The following ABHD17B variants were observed in gnomAD, a reference collection of about 807,000 sequenced individuals.
ABHD17B encodes abhydrolase domain containing 17B, depalmitoylase, also known as alpha/beta hydrolase domain-containing protein 17B.
A neutral mutation model predicts 26.2 loss-of-function variants in ABHD17B; 9 were observed. That is an observed-to-expected ratio of 0.34 (90% confidence interval 0.21 to 0.60). The LOEUF is 0.60. Ranked by LOEUF, ABHD17B falls within the 20% of genes least tolerant of loss-of-function variation. ABHD17B has a pLI of 0.80. For missense variants in ABHD17B, 224 were observed against 352.1 expected (o/e 0.64, Z 2.91); for synonymous variants, 127 against 122.3 (o/e 1.04, Z -0.25).
chr9:71,909,791 T>C (rs1298473990), intron 1 of ABHD17B, among the ~76,000 whole-genome samples: 1 of 152,148 alleles, frequency 6.6e-6, no homozygotes, highest in Non-Finnish European at 1.5e-5. Context: ...CAAATCTACT[T>C]CACACTGACT....
chr9:71,873,505 C>A (rs1439946468), intron 2 of ABHD17B, among the ~76,000 whole-genome samples: 1 of 152,102 alleles, frequency 6.6e-6, no homozygotes, highest in Non-Finnish European at 1.5e-5. Flanking sequence ...TCAAGTGATT[C>A]TCCTGCCTCA....
chr9:71,895,451 C>G (rs1826926457), intron 1 of ABHD17B, among the ~76,000 whole-genome samples: 1 of 152,218 alleles, frequency 6.6e-6, no homozygotes, highest in African/African-American at 2.4e-5. Flanking sequence ...AATTGTGTTT[C>G]AGGCTGAATT....
downstream of ABHD17B, among the ~76,000 whole-genome samples, chr9:71,863,122 ATT>A (rs1825870578): frequency 6.6e-6 from 1 of 152,198 alleles, no homozygotes; most frequent in Non-Finnish European, 1.5e-5. Context: ...CTTCTTCATC[ATT>A]CTTTTTTGTA....
intron 1 of ABHD17B, among the ~76,000 whole-genome samples, chr9:71,893,923 A>T (rs1826871983): frequency 6.6e-6 from 1 of 151,952 alleles, no homozygotes; most frequent in Admixed American, 6.6e-5. Context: ...CCCTGTCTCT[A>T]ATAAAAATAC....
At chr9:71,868,556 A>G (rs1291725150) in intron 3 of ABHD17B, among the ~76,000 whole-genome samples, 12 of 152,248 alleles carry the variant, frequency 7.9e-5, no homozygotes, top group Admixed American at 7.2e-4. Context: ...AAAACCATCA[A>G]TGAAATAATC....
rs895338445 is a variant in ABHD17B at position 71,908,291 on chromosome 9, C to G, written c.-4+2343G>C. On this transcript the variant is annotated intron_variant, in intron 1 of 3. Coordinates refer to ENST00000333421, the MANE Select transcript of ABHD17B (RefSeq NM_001025780.3). ...CCCGTAATCCCAGCTACTCAGGAGG[C>G]TGAGGCAGAAGAATCACTTGAACCC... 6.0e-5 allele frequency among the ~76,000 whole-genome samples: 9 copies of G among 150,334 alleles called. No homozygotes were observed. The Admixed American group carries it at 6.0e-4, about 10-fold the overall frequency.
At chr9:71,881,965 C>T (rs1303505856) in intron 1 of ABHD17B, among the ~76,000 whole-genome samples, 1 of 150,082 alleles carries the variant, frequency 6.7e-6, no homozygotes, top group East Asian at 1.9e-4. Flanking sequence ...GATTTATAGA[C>T]ATTTCTCCAA....
intron 1 of ABHD17B, among the ~76,000 whole-genome samples, chr9:71,898,798 G>A (rs1827043637): frequency 6.6e-6 from 1 of 152,168 alleles, no homozygotes; most frequent in South Asian, 2.1e-4. Flanking sequence ...AGGCATTTGA[G>A]ACCAGCCTGG....
chr9:71,867,028 GA>G (rs1554697325), intron 3 of ABHD17B, 22 bp from the exon 4 acceptor site: 11 of 1,610,486 alleles, frequency 6.8e-6, no homozygotes, highest in Non-Finnish European at 8.5e-6. Flanking sequence ...AAGGAAGGGG[GA>G]AAAATGCAAT....
At chr9:71,875,188 C>A in intron 1 of ABHD17B, 105 bp from the exon 2 acceptor site, 1 of 852,668 alleles carries the variant, frequency 1.2e-6, no homozygotes, top group Non-Finnish European at 1.8e-6. Context: ...TGGTTAATGA[C>A]TATTACTATT....
chr9:71,906,634 A>G (rs1827292967), intron 1 of ABHD17B, among the ~76,000 whole-genome samples: 1 of 152,092 alleles, frequency 6.6e-6, no homozygotes, highest in African/African-American at 2.4e-5. Context: ...CCTGGGCAAG[A>G]TAGCAAGACC....
At chr9:71,898,303 G>A (rs111373158) in intron 1 of ABHD17B, among the ~76,000 whole-genome samples, 1 of 152,016 alleles carries the variant, frequency 6.6e-6, no homozygotes, top group East Asian at 1.9e-4. Flanking sequence ...AAGTGAGAAA[G>A]AAGAAAAGCA....
rs1274489181 is a variant in ABHD17B, at chr9:71,874,982, T to C, written c.99A>G (p.Pro33=). The C allele has an allele frequency of 6.2e-7, 1 of 1,614,192 alleles. No individual in the cohort carries two copies. Among genetic ancestry groups the C allele is most frequent in the African/African-American group, 1.3e-5 (1 of 75,048 alleles). The change falls in exon 2 of 4, where the codon CCA becomes CCG. Residue 33 remains proline, a synonymous_variant. Coordinates refer to ENST00000333421, the MANE Select transcript of ABHD17B (RefSeq NM_001025780.3). ...ASKLAFLPPD[P]TYTLMCDESG... Reference sequence around the variant, plus strand: ...TTTCATCACACATCAGTGTGTAAGTTGGATCAGGTGGCAAAAACGCTAATT... The same window carrying C: ...TTTCATCACACATCAGTGTGTAAGTCGGATCAGGTGGCAAAAACGCTAATT...
At position 71,866,200 on chromosome 9, in the gene ABHD17B, CTT is replaced by C; in HGVS notation, c.*585_*586del. 1.0e-6 allele frequency: 1 copy of C among 981,556 alleles called. No homozygotes were observed. Among genetic ancestry groups the C allele is most frequent in the Non-Finnish European group, 1.2e-6 (1 of 826,100 alleles). 60.8% of individuals were successfully genotyped at this position (981,556 alleles called of 1,614,324 possible). A position where few individuals can be genotyped will look rare whatever the true frequency, so the allele number is the denominator to read the frequency against. ...ATGGCATAAAAATTAAGATTTACATCTTTTTTAAAGGATAAATGTATGTAATC... is the reference window on the plus strand; with the variant it reads ...ATGGCATAAAAATTAAGATTTACATCTTTTAAAGGATAAATGTATGTAATC... On this transcript the variant is annotated 3_prime_UTR_variant, in exon 4 of 4. Transcript: ENST00000333421.
intron 2 of ABHD17B, among the ~76,000 whole-genome samples, chr9:71,871,921 G>A (rs1040088975): frequency 3.3e-5 from 5 of 152,254 alleles, no homozygotes; most frequent in Admixed American, 6.5e-5. Context: ...GTCAGAAATT[G>A]GAGTTATTAT....
At chr9:71,876,448 A>G (rs1826278850) in intron 1 of ABHD17B, among the ~76,000 whole-genome samples, 1 of 152,194 alleles carries the variant, frequency 6.6e-6, no homozygotes, top group South Asian at 2.1e-4. Flanking sequence ...AGGGACAAAA[A>G]TAAAGTAATA....
rs1825967866 is a variant in ABHD17B at position 71,866,793 on chromosome 9, A to G, written c.861T>C (p.Asn287=). Residue 287 remains asparagine (N), a synonymous_variant, in exon 4 of 4, where the codon AAT becomes AAC. Transcript: ENST00000333421. ...AGCAAATTTACAGAATATTTTACAA[A>G]TTTACCAGTTCCTGTGACACAAACT... ...LKQFVSQELV[N]L The G allele has an allele frequency of 6.2e-7, 1 of 1,614,016 alleles. No homozygotes were observed.
chr9:71,894,964 A>T (rs928381122), intron 1 of ABHD17B, among the ~76,000 whole-genome samples: 2 of 152,228 alleles, frequency 1.3e-5, no homozygotes, highest in Non-Finnish European at 1.5e-5. Context: ...ACATACTTAA[A>T]TTCAAGTATA....
downstream of ABHD17B, chr9:71,865,128 T>C (rs1564057580): frequency 1.0e-6 from 1 of 983,902 alleles, no homozygotes; most frequent in Non-Finnish European, 1.2e-6. Context: ...GTGGGGAGCA[T>C]GGAAAAAGGC....
Sources: allele counts gnomAD v4.1 joint callset (sites outside exome capture counted in the v4.1 genomes callset), GRCh38; gene constraint gnomAD v4.1.1; transcripts MANE v1.5; gene names NCBI Gene and HGNC (gene_info 2026-07-23, HGNC 2026-07-21).